The following PTPN12 variants were observed in gnomAD, a reference collection of about 807,000 sequenced individuals.
PTPN12 encodes the protein protein tyrosine phosphatase non-receptor type 12.
PTPN12 carries 29 observed loss-of-function variants against 97.6 expected under a neutral mutation model. That is an observed-to-expected ratio of 0.30 (90% CI 0.22 to 0.41). The LOEUF (loss-of-function observed/expected upper bound fraction) is 0.41. Ranked by LOEUF, PTPN12 falls within the 10% of genes least tolerant of loss-of-function variation. The probability of loss-of-function intolerance (pLI) is 1.00; values close to 1 mark genes in which losing one functional copy is unlikely to be tolerated. For synonymous variants in PTPN12, 327 were observed against 300.4 expected (o/e 1.09, Z -0.91); for missense variants, 819 against 926.0 (o/e 0.88, Z 1.50).
intron 1 of PTPN12, among the ~76,000 whole-genome samples, chr7:77,548,435 G>A (rs1318105722): frequency 6.6e-6 from 1 of 152,170 alleles, no homozygotes; most frequent in Non-Finnish European, 1.5e-5. Flanking sequence ...CTTCCCCATT[G>A]TGTATGTTGG....
At chr7:77,540,737 G>A (rs1347227294) in intron 1 of PTPN12, among the ~76,000 whole-genome samples, 1 of 151,784 alleles carries the variant, frequency 6.6e-6, no homozygotes, top group Non-Finnish European at 1.5e-5. Context: ...TGACTGGAAG[G>A]CTGGAGAGGA....
At chr7:77,596,954 T>C (rs544162954) in intron 6 of PTPN12, among the ~76,000 whole-genome samples, 18 of 152,200 alleles carry the variant, frequency 1.2e-4, no homozygotes, top group African/African-American at 4.3e-4. Flanking sequence ...AAGAAATATA[T>C]GATGACGTGT....
chr7:77,558,497 CTT>C, intron 1 of PTPN12, among the ~76,000 whole-genome samples: 1 of 152,178 alleles, frequency 6.6e-6, no homozygotes. Flanking sequence ...AGTAAGGAGA[CTT>C]TGCATAACTG....
chr7:77,561,435 G>T (rs1011739186), intron 1 of PTPN12, among the ~76,000 whole-genome samples: 6 of 152,194 alleles, frequency 3.9e-5, no homozygotes, highest in African/African-American at 1.4e-4. Context: ...TTTTCAGAGG[G>T]TGTAGGAGTT....
intron 3 of PTPN12, among the ~76,000 whole-genome samples, chr7:77,581,979 C>G (rs1787530189): frequency 6.6e-6 from 1 of 150,768 alleles, no homozygotes; most frequent in African/African-American, 2.4e-5. Flanking sequence ...AAATGTAAAA[C>G]TTTTGGCAGT....
At chr7:77,615,038 G>C (rs532313084) in intron 11 of PTPN12, among the ~76,000 whole-genome samples, 7 of 152,264 alleles carry the variant, frequency 4.6e-5, no homozygotes, top group African/African-American at 1.7e-4. Context: ...TATTCTGTAA[G>C]CCTGTATCAT....
At chr7:77,561,991 C>T (rs1053743488) in intron 1 of PTPN12, among the ~76,000 whole-genome samples, 3 of 151,668 alleles carry the variant, frequency 2.0e-5, no homozygotes, top group African/African-American at 7.3e-5. Context: ...GGGGTTTCAC[C>T]GTGTTAGCCA....
intron 16 of PTPN12, among the ~76,000 whole-genome samples, 174 bp from the exon 17 acceptor site, chr7:77,638,450 A>G (rs1789683434): frequency 6.6e-6 from 1 of 152,166 alleles, no homozygotes; most frequent in Non-Finnish European, 1.5e-5. Context: ...ACCTGACATG[A>G]TTTTCTGTGC....
Position 77,627,507 on chromosome 7 carries a change from G to T in PTPN12, c.1828G>T (p.Glu610Ter). 1 of 1,613,980 alleles carries T rather than the reference G, an allele frequency of 6.2e-7. No individual in the cohort carries two copies. Among genetic ancestry groups the T allele is most frequent in the Non-Finnish European group, 8.5e-7 (1 of 1,179,912 alleles). Residue 610 changes from glutamate (E) to a stop codon, truncating the protein, a stop_gained, in exon 13 of 18, where the codon GAA becomes TAA. Transcript: ENST00000248594. LOFTEE classifies it high-confidence loss of function. ...TCACTCTGATGACTCAGACTCAGAT[G>T]AAAGAAACTCTGATGGTGCTGTGAC... ...PLHSDDSDSD[E>*]RNSDGAVTQN...
At chr7:77,572,797 C>T (rs1787190005) in intron 2 of PTPN12, among the ~76,000 whole-genome samples, 1 of 152,012 alleles carries the variant, frequency 6.6e-6, no homozygotes, top group Non-Finnish European at 1.5e-5. Context: ...TAAAAGTGTA[C>T]CCAGTGGCCA....
At chr7:77,593,261 C>T (rs963477701) in intron 6 of PTPN12, among the ~76,000 whole-genome samples, 1 of 103,196 alleles carries the variant, frequency 9.7e-6, no homozygotes, top group Admixed American at 1.2e-4. Context: ...AAGGGTGAAA[C>T]TCCATCTCAA....
chr7:77,546,772 C>T (rs562565577), intron 1 of PTPN12, among the ~76,000 whole-genome samples: 1 of 151,922 alleles, frequency 6.6e-6, no homozygotes, highest in African/African-American at 2.4e-5. Flanking sequence ...AGGAAACTTA[C>T]GATTGTGGTG....
chr7:77,628,670 T>C (rs1442337432), intron 13 of PTPN12, among the ~76,000 whole-genome samples: 1 of 151,534 alleles, frequency 6.6e-6, no homozygotes, highest in Non-Finnish European at 1.5e-5. Context: ...CCCAAGTAGC[T>C]GGGATTACAG....
chr7:77,596,694 G>A (rs1463886823), intron 6 of PTPN12, among the ~76,000 whole-genome samples: 1 of 152,204 alleles, frequency 6.6e-6, no homozygotes, highest in Admixed American at 6.5e-5. Flanking sequence ...TTACAGGTGT[G>A]AGCCACTGCC....
At chr7:77,609,041 G>A (rs1273746409) in intron 9 of PTPN12, among the ~76,000 whole-genome samples, 1 of 152,120 alleles carries the variant, frequency 6.6e-6, no homozygotes, top group Non-Finnish European at 1.5e-5. Context: ...CCAACATGGT[G>A]AAACCCCATT....
chr7:77,556,155 G>A (rs964352485), intron 1 of PTPN12, among the ~76,000 whole-genome samples: 2 of 152,060 alleles, frequency 1.3e-5, no homozygotes, highest in Admixed American at 6.5e-5. Context: ...CCGCCTCCTG[G>A]GCTCAAGCAA....
chr7:77,614,323 C>T (rs1400839279), intron 11 of PTPN12, among the ~76,000 whole-genome samples: 2 of 152,108 alleles, frequency 1.3e-5, no homozygotes, highest in Non-Finnish European at 2.9e-5. Context: ...TTGAATCAAT[C>T]CTTTTTTAAT....
intron 1 of PTPN12, among the ~76,000 whole-genome samples, chr7:77,539,442 G>T (rs902060131): frequency 6.6e-6 from 1 of 152,132 alleles, no homozygotes; most frequent in African/African-American, 2.4e-5. Flanking sequence ...AAGGAAAACG[G>T]CATTTTCCCT....
In PTPN12 at chr7:77,610,938, T is replaced by TGA. The variant is rs1312838730; in HGVS notation, c.841-10_841-9insGA. Reference sequence around the variant, plus strand: ...TCATTTTGTTTTTTAATCATTTTTCTCCTTCATAGGAGCAATATGAACTTG... The same window carrying TGA: ...TCATTTTGTTTTTTAATCATTTTTCTGACCTTCATAGGAGCAATATGAACTTG... On this transcript the variant is annotated splice_polypyrimidine_tract_variant and intron_variant, in intron 10 of 17. Coordinates refer to ENST00000248594, the MANE Select transcript of PTPN12 (RefSeq NM_002835.4). The TGA allele has an allele frequency of 1.9e-6, 3 of 1,593,078 alleles. No individual in the cohort carries two copies. Among genetic ancestry groups the TGA allele is most frequent in the Non-Finnish European group, 2.6e-6 (3 of 1,172,360 alleles).
Sources: gnomAD v4.1 joint callset for allele counts (sites outside exome capture counted in the v4.1 genomes callset) on GRCh38, gnomAD v4.1.1 for gene constraint, MANE v1.5 for transcripts, NCBI Gene and HGNC (gene_info 2026-07-23, HGNC 2026-07-21) for gene names.